Variants in ARHGEF10L observed in about 807,000 individuals in gnomAD.
ARHGEF10L encodes the protein rho guanine nucleotide exchange factor 10-like protein.
ARHGEF10L carries 69 observed loss-of-function variants against 141.2 expected under a neutral mutation model. The ratio of observed to expected loss-of-function variants is 0.49; its 90% confidence interval spans 0.40 to 0.60. The LOEUF (loss-of-function observed/expected upper bound fraction) is 0.60, where lower values mean the gene tolerates loss of function less well. Ranked by LOEUF, ARHGEF10L falls within the 20% of genes least tolerant of loss-of-function variation. The pLI is 0.00. For missense variants in ARHGEF10L, 1,482 were observed against 1,734.3 expected (o/e 0.85, Z 2.58); for synonymous variants, 711 against 718.5 (o/e 0.99, Z 0.17).
rs752052065 is a variant in ARHGEF10L, at chr1:17,607,776, C to T, written c.434-26C>T. On this transcript the variant is annotated intron_variant, in intron 6 of 28. Coordinates refer to ENST00000361221, the MANE Select transcript of ARHGEF10L (RefSeq NM_018125.4). This position sits in a 1 kb window ranked among gnomAD's most constrained non-coding sequence, Gnocchi z 4.5. The stretch of plus-strand genomic sequence containing the variant: ...GGTAGGCTTGGCCTCAGGGCCTGGG[C>T]TCACCGGCTGCCGCTTGGCCAGCAG... 1.3e-6 allele frequency: 2 copies of T among 1,531,676 alleles called. No individual in the cohort carries two copies. The highest frequency in any genetic ancestry group is 1.3e-5 in the South Asian group (1 of 79,074). The allele number at this position is 1,531,676 out of a possible 1,614,324, so 94.9% of individuals were successfully genotyped here. A position where few individuals can be genotyped will look rare whatever the true frequency, so the allele number is the denominator to read the frequency against.
Position 17,668,471 on chromosome 1 carries a change from G to A in ARHGEF10L, c.3009+3876G>A, listed in dbSNP as rs1167500359. The stretch of plus-strand genomic sequence containing the variant: ...CCAGCCCACAGAGCTCAGCTCTGGC[G>A]TGACCATCCCTGGGGCCCCAATGGC... On this transcript the variant is annotated intron_variant, in intron 26 of 28. Coordinates refer to ENST00000361221, the MANE Select transcript of ARHGEF10L (RefSeq NM_018125.4). Among the ~76,000 whole-genome samples, 7 of 151,990 alleles carry A rather than the reference G, an allele frequency of 4.6e-5. No individual in the cohort carries two copies. The East Asian group carries it at 9.6e-4, about 21-fold the overall frequency.
chr1:17,577,173 T>G (rs1412059258), intron 1 of ARHGEF10L, among the ~76,000 whole-genome samples: 1 of 152,150 alleles, frequency 6.6e-6, no homozygotes, highest in Non-Finnish European at 1.5e-5. Context: ...GCTTCTCGAG[T>G]AGCTGGGACT....
At chr1:17,618,287 C>T (rs1005261306) in intron 9 of ARHGEF10L, 60 of 1,216,746 alleles carry the variant, frequency 4.9e-5, no homozygotes, top group Non-Finnish European at 6.3e-5. Flanking sequence ...CCAGCGCCTT[C>T]CTGAAGTGAC....
chr1:17,650,211 A>T (rs890444776), intron 22 of ARHGEF10L, among the ~76,000 whole-genome samples: 2 of 151,106 alleles, frequency 1.3e-5, no homozygotes, highest in Non-Finnish European at 3.0e-5. Context: ...GGAGTTCGAG[A>T]CCAGCCTGGG....
chr1:17,537,854 C>CAAAAAAAAAA (rs10611023), upstream of ARHGEF10L, among the ~76,000 whole-genome samples: 35 of 79,774 alleles, frequency 4.4e-4, no homozygotes, highest in Non-Finnish European at 5.7e-4. Flanking sequence ...ACCATCTCTA[C>CAAAAAAAAAA]AAAAAAAAAA....
intron 26 of ARHGEF10L, among the ~76,000 whole-genome samples, chr1:17,667,267 C>T (rs2063044374): frequency 6.6e-6 from 1 of 152,324 alleles, no homozygotes; most frequent in Non-Finnish European, 1.5e-5. Flanking sequence ...CTTGGGGCAA[C>T]CTTCAGTCTG....
intron 3 of ARHGEF10L, among the ~76,000 whole-genome samples, 193 bp from the exon 4 acceptor site, chr1:17,588,253 G>T (rs1307585402): frequency 6.6e-6 from 1 of 151,128 alleles, no homozygotes; most frequent in Non-Finnish European, 1.5e-5. Context: ...GTGGGTGGGG[G>T]TGGTGCAGGC....
intron 12 of ARHGEF10L, among the ~76,000 whole-genome samples, chr1:17,624,017 ATTCGATTTC>A (rs1557855708): frequency 1.3e-5 from 2 of 152,160 alleles, no homozygotes; most frequent in African/African-American, 4.8e-5. Flanking sequence ...GGCAAGGGGC[ATTCGATTTC>A]CTGAACGTGA....
chr1:17,549,624 C>T (rs960071642), intron 1 of ARHGEF10L, among the ~76,000 whole-genome samples: 1 of 152,120 alleles, frequency 6.6e-6, no homozygotes, highest in Non-Finnish European at 1.5e-5. Flanking sequence ...TGCAAAAGCC[C>T]TGAGGCCAGA....
intron 25 of ARHGEF10L, among the ~76,000 whole-genome samples, chr1:17,661,702 C>G (rs1313903035): frequency 2.6e-5 from 4 of 152,214 alleles, no homozygotes; most frequent in African/African-American, 4.8e-5. Flanking sequence ...TCAGCCATAG[C>G]AGCCTAATTA....
intron 21 of ARHGEF10L, among the ~76,000 whole-genome samples, chr1:17,641,491 C>T (rs547688892): frequency 5.5e-4 from 83 of 151,196 alleles, no homozygotes; most frequent in African/African-American, 1.7e-3. Context: ...ATTAGCCTGG[C>T]ACACGCCTGT....
Position 17,694,909 on chromosome 1 carries a change from C to T in ARHGEF10L, c.3185-249C>T, listed in dbSNP as rs186707865. 49 of 664,070 alleles carry T rather than the reference C, an allele frequency of 7.4e-5. 1 individual carries two copies. Among genetic ancestry groups the T allele is most frequent in the South Asian group, 3.7e-4 (25 of 66,800 alleles). The allele number at this position is 664,070 out of a possible 1,614,324, so 41.1% of individuals were successfully genotyped here. ...GCCTGTGGTGTTCCCCCAATGCATC[C>T]GTATGGCAGCCCCACTTTACACAGG... On this transcript the variant is annotated intron_variant, in intron 27 of 28. Transcript: ENST00000361221.
At chr1:17,589,443 T>A (rs987339621) in intron 4 of ARHGEF10L, among the ~76,000 whole-genome samples, 1 of 152,150 alleles carries the variant, frequency 6.6e-6, no homozygotes, top group Non-Finnish European at 1.5e-5. Context: ...AGGGGAGGCA[T>A]GTCTGAGCCC....
At chr1:17,568,490 G>T (rs2077854743) in intron 1 of ARHGEF10L, among the ~76,000 whole-genome samples, 2 of 152,098 alleles carry the variant, frequency 1.3e-5, no homozygotes, top group Non-Finnish European at 1.5e-5. Context: ...GGGGAACCTG[G>T]GGGGCACACT....
intron 2 of ARHGEF10L, among the ~76,000 whole-genome samples, chr1:17,581,004 GA>G (rs935435518): frequency 6.6e-6 from 1 of 151,922 alleles, no homozygotes; most frequent in African/African-American, 2.4e-5. Context: ...CGCATTTAGT[GA>G]AAAAAAGAGA....
intron 1 of ARHGEF10L, among the ~76,000 whole-genome samples, chr1:17,578,086 C>G (rs2078296447): frequency 6.6e-6 from 1 of 152,098 alleles, no homozygotes; most frequent in South Asian, 2.1e-4. Context: ...ATTTAAGGAG[C>G]AATTTGGACA....
Position 17,588,385 on chromosome 1 carries a change from G to A in ARHGEF10L, c.224-61G>A, listed in dbSNP as rs1318402060. ...GGAGGCTGGGAAAGGGGCGGGGAAG[G>A]CCTGAGTGCCTGGGGCCAGCCTCTG... On this transcript the variant is annotated intron_variant, in intron 3 of 28. Transcript: ENST00000361221. The A allele has an allele frequency of 3.8e-6, 6 of 1,597,760 alleles. No individual in the cohort carries two copies. The African/African-American group carries it at 8.0e-5, about 21-fold the overall frequency.
intron 4 of ARHGEF10L, among the ~76,000 whole-genome samples, chr1:17,593,352 T>G (rs566599943): frequency 6.6e-6 from 1 of 152,290 alleles, no homozygotes; most frequent in South Asian, 2.1e-4. Context: ...GATTTCCGTG[T>G]CTTCATCCCC....
rs1402689755 is a variant in ARHGEF10L at position 17,588,469 on chromosome 1, C to G, written c.247C>G (p.Pro83Ala). 5 of 1,614,004 alleles carry G rather than the reference C, an allele frequency of 3.1e-6. No homozygotes were observed. Among genetic ancestry groups the G allele is most frequent in the Non-Finnish European group, 4.2e-6 (5 of 1,179,946 alleles). The change falls in exon 4 of 29, where the codon CCC (proline) becomes GCC (alanine). Residue 83 changes from proline to alanine, a missense_variant. By Grantham distance (27) the Pro-to-Ala change is conservative. Around this residue, in one of 3 missense-constraint regions of ARHGEF10L, gnomAD observed 232 missense variants for 225.9 expected, o/e 1.03. Transcript: ENST00000361221. The part of the protein sequence containing the change: ...VTDPDPAAAP[P>A]GTGVPAWVSN... The stretch of plus-strand genomic sequence containing the variant: ...AGACCCAGACCCAGCAGCTGCTCCA[C>G]CCGGCACAGGGTAAGTGAACCTTGC...
Sources: allele counts gnomAD v4.1 joint callset (sites outside exome capture counted in the v4.1 genomes callset), GRCh38; gene constraint gnomAD v4.1.1; regional missense constraint gnomAD v4.1.1; non-coding constraint Gnocchi (gnomAD v3.1); transcripts MANE v1.5; gene names NCBI Gene and HGNC (gene_info 2026-07-23, HGNC 2026-07-21).